Variants in DNM3 observed in about 807,000 individuals in gnomAD.
DNM3 encodes dynamin-3.
DNM3 carries 47 observed loss-of-function variants against 101.6 expected under a neutral mutation model. The ratio of observed to expected loss-of-function variants is 0.46; its 90% confidence interval spans 0.37 to 0.59. DNM3 has a LOEUF of 0.59. Ranked by LOEUF, DNM3 falls within the 20% of genes least tolerant of loss-of-function variation. DNM3 has a pLI of 0.00. For missense variants in DNM3, 849 were observed against 1,085.7 expected (o/e 0.78, Z 3.06); for synonymous variants, 385 against 387.9 (o/e 0.99, Z 0.09).
chr1:172,302,165 C>T (rs555202664), intron 15 of DNM3, among the ~76,000 whole-genome samples: 1 of 152,360 alleles, frequency 6.6e-6, no homozygotes, highest in South Asian at 2.1e-4. Context: ...ACATTCCCGA[C>T]TAAATACTGT....
chr1:172,329,417 A>G (rs1421814726), intron 17 of DNM3, among the ~76,000 whole-genome samples: 2 of 152,170 alleles, frequency 1.3e-5, no homozygotes, highest in Non-Finnish European at 2.9e-5. Context: ...GAATATAATA[A>G]TAGTGAAAAC....
chr1:171,921,080 C>T (rs781373208), intron 1 of DNM3, among the ~76,000 whole-genome samples: 14 of 151,852 alleles, frequency 9.2e-5, no homozygotes, highest in Non-Finnish European at 1.6e-4. Context: ...CACGCCACCA[C>T]GTCTGGCTGG....
chr1:172,228,922 A>G (rs1189487966), intron 14 of DNM3, among the ~76,000 whole-genome samples: 1 of 152,116 alleles, frequency 6.6e-6, no homozygotes, highest in Non-Finnish European at 1.5e-5. Context: ...TTTATCAATC[A>G]TTGTCACCAA....
chr1:171,902,962 G>A (rs1170268728), intron 1 of DNM3, among the ~76,000 whole-genome samples: 1 of 152,082 alleles, frequency 6.6e-6, no homozygotes, highest in Non-Finnish European at 1.5e-5. Flanking sequence ...AGACCAGCCT[G>A]GGCAGCATAG....
At chr1:172,307,137 G>A (rs1037802433) in intron 15 of DNM3, among the ~76,000 whole-genome samples, 1 of 152,106 alleles carries the variant, frequency 6.6e-6, no homozygotes, top group African/African-American at 2.4e-5. Context: ...ATATGACAAA[G>A]GGCTAATATC....
intron 2 of DNM3, among the ~76,000 whole-genome samples, chr1:171,973,937 T>G (rs2044195984): frequency 1.3e-5 from 2 of 152,152 alleles, no homozygotes; most frequent in African/African-American, 4.8e-5. Context: ...CGTGCTAAGA[T>G]TATAGGCATG....
intron 14 of DNM3, chr1:172,138,383 A>G (rs2057376982): frequency 6.7e-6 from 1 of 150,370 alleles, no homozygotes. Flanking sequence ...AAATCATGAC[A>G]TAGAAAACCA....
At chr1:172,206,469 G>T (rs761670509) in intron 14 of DNM3, among the ~76,000 whole-genome samples, 6 of 152,046 alleles carry the variant, frequency 3.9e-5, no homozygotes, top group Non-Finnish European at 7.4e-5. Context: ...AAAAGGTCAA[G>T]ATTGTTAAAA....
intron 14 of DNM3, among the ~76,000 whole-genome samples, chr1:172,247,458 T>C (rs1246860193): frequency 1.3e-5 from 2 of 152,126 alleles, no homozygotes; most frequent in Admixed American, 6.6e-5. Flanking sequence ...TAGAACCTGT[T>C]TGTAATTTGA....
chr1:171,928,958 C>T (rs1019168214), intron 2 of DNM3, among the ~76,000 whole-genome samples: 5 of 152,240 alleles, frequency 3.3e-5, no homozygotes, highest in African/African-American at 1.2e-4. Context: ...GCCTGCCCCT[C>T]CCTCTGGGAG....
Position 172,205,529 on chromosome 1 carries a change from A to G in DNM3, c.1660-48044A>G, listed in dbSNP as rs142026537. On this transcript the variant is annotated intron_variant, in intron 14 of 20. Coordinates refer to ENST00000627582, the MANE Select transcript of DNM3 (RefSeq NM_015569.5). ...TATTAAAAATAATAATGAATCCCTT[A>G]TATGTTATCCTAAGTGATACATTTT... is the stretch of plus-strand genomic sequence containing the variant. 3.2e-3 allele frequency among the ~76,000 whole-genome samples: 486 copies of G among 152,242 alleles called. 2 individuals are homozygous for G. Among genetic ancestry groups the G allele is most frequent in the African/African-American group, 0.011 (459 of 41,556 alleles).
chr1:171,911,439 C>A (rs1972338), intron 1 of DNM3, among the ~76,000 whole-genome samples: 70,036 of 151,782 alleles, frequency 0.46, 16,334 homozygotes, highest in East Asian at 0.65. Flanking sequence ...CGTGACACCA[C>A]GCCCGGCTAA....
intron 14 of DNM3, among the ~76,000 whole-genome samples, chr1:172,243,667 C>T (rs2148657485): frequency 6.6e-6 from 1 of 152,204 alleles, no homozygotes; most frequent in South Asian, 2.1e-4. Flanking sequence ...TAGAACAGTC[C>T]ATCAAACACA....
intron 17 of DNM3, among the ~76,000 whole-genome samples, chr1:172,363,048 CT>C (rs1558045105): frequency 6.6e-6 from 1 of 151,532 alleles, no homozygotes; most frequent in Non-Finnish European, 1.5e-5. Flanking sequence ...TCCCCAAATA[CT>C]TTCCTCCCTC....
intron 14 of DNM3, among the ~76,000 whole-genome samples, chr1:172,176,172 G>C (rs1472026562): frequency 1.3e-5 from 2 of 151,802 alleles, no homozygotes; most frequent in African/African-American, 4.8e-5. Context: ...GTCTGTTTAA[G>C]GGGGAGGCAG....
intron 8 of DNM3, among the ~76,000 whole-genome samples, chr1:172,043,907 T>A (rs1459639967): frequency 6.6e-6 from 1 of 152,176 alleles, no homozygotes; most frequent in East Asian, 1.9e-4. Context: ...GTTGTCTTTT[T>A]AAAATATTAC....
chr1:172,305,170 A>G, intron 15 of DNM3, among the ~76,000 whole-genome samples: 1 of 152,216 alleles, frequency 6.6e-6, no homozygotes, highest in East Asian at 1.9e-4. Context: ...AGAAGAATCA[A>G]ATAGATGCAA....
chr1:171,913,371 T>G (rs964908892), intron 1 of DNM3, among the ~76,000 whole-genome samples: 1 of 152,168 alleles, frequency 6.6e-6, no homozygotes. Context: ...TATTATAGAG[T>G]AGCTGACAGC....
At position 172,123,250 on chromosome 1, in the gene DNM3, A is replaced by G. The variant is rs1430413173; in HGVS notation, c.1546-7925A>G. On this transcript the variant is annotated intron_variant, in intron 13 of 20. Transcript: ENST00000627582. ...AAATATTTGATTATTTTGTGTCTCAATTTCACTATTCTTTAAATCCCTTCA... is the reference window on the plus strand; with the variant it reads ...AAATATTTGATTATTTTGTGTCTCAGTTTCACTATTCTTTAAATCCCTTCA... Among the ~76,000 whole-genome samples the G allele has an allele frequency of 2.0e-5, 3 of 152,276 alleles. No homozygotes were observed. In the South Asian group the frequency reaches 6.2e-4, roughly 32 times the overall value.
Sources: allele counts gnomAD v4.1 joint callset (sites outside exome capture counted in the v4.1 genomes callset), GRCh38; gene constraint gnomAD v4.1.1; transcripts MANE v1.5; gene names NCBI Gene and HGNC (gene_info 2026-07-23, HGNC 2026-07-21).